The following GATA6 variants were observed in gnomAD, a reference collection of about 807,000 sequenced individuals.
GATA6 encodes transcription factor GATA-6.
A neutral mutation model predicts 48.1 loss-of-function variants in GATA6; 11 were observed. That is an observed-to-expected ratio of 0.23 (90% CI 0.14 to 0.38). The LOEUF (loss-of-function observed/expected upper bound fraction) is 0.38, where lower values mean the gene tolerates loss of function less well. Ranked by LOEUF, GATA6 falls within the 10% of genes least tolerant of loss-of-function variation. The pLI, the probability that GATA6 is intolerant of heterozygous loss-of-function variation, is 1.00. For missense variants in GATA6, 795 were observed against 850.3 expected, an observed-to-expected ratio of 0.93 and a Z score of 0.81; for synonymous variants, 419 against 396.1, an observed-to-expected ratio of 1.06 and a Z score of -0.69.
At chr18:22,176,606 A>T (rs916676466) in intron 2 of GATA6, 1 of 219,298 alleles carries the variant, frequency 4.6e-6, no homozygotes, top group Admixed American at 6.0e-5. Context: ...GATGGATTTC[A>T]GTCTTTAAAA....
intron 6 of GATA6, among the ~76,000 whole-genome samples, chr18:22,191,467 C>G (rs547449329): frequency 1.3e-5 from 2 of 149,600 alleles, no homozygotes; most frequent in South Asian, 4.2e-4. Context: ...TTAGATTGCT[C>G]TGAAAGGTTA....
chr18:22,181,727 G>A, intron 4 of GATA6, 149 bp downstream of exon 4: 1 of 792,666 alleles, frequency 1.3e-6, no homozygotes, highest in Non-Finnish European at 2.1e-6. Flanking sequence ...TATATTCAGT[G>A]TACATACTGA....
rs1168792572 is a variant in GATA6 at position 22,200,858 on chromosome 18, G to T, written c.*35G>T. 1 of 1,580,486 alleles carries T rather than the reference G, an allele frequency of 6.3e-7. No homozygotes were observed. Among genetic ancestry groups the T allele is most frequent in the Admixed American group, 1.8e-5 (1 of 56,004 alleles). ...GCCAGGAGGCAGGGAGGGCTCCGCC[G>T]CGGGCCTCACTCCACTCGTGTCTGC... On this transcript the variant is annotated 3_prime_UTR_variant, in exon 7 of 7. Coordinates refer to ENST00000269216, the MANE Select transcript of GATA6 (RefSeq NM_005257.6).
In GATA6 at chr18:22,172,174, C is replaced by T. The variant is rs1408429022; in HGVS notation, c.1030C>T (p.Pro344Ser). 9.1e-6 allele frequency: 14 copies of T among 1,533,264 alleles called. No homozygotes were observed. Among genetic ancestry groups the T allele is most frequent in the Non-Finnish European group, 8.7e-6 (10 of 1,145,582 alleles). The allele number at this position is 1,533,264 out of a possible 1,614,324, so 95.0% of individuals were successfully genotyped here. ...CCCCTACTCGCCCTACGTGGGGGCG[C>T]CACTGACGCCTGCCTGGCCCGCCGG... Reference protein sequence around the residue: ...PSPYSPYVGAPLTPAWPAGPF... With the variant: ...PSPYSPYVGASLTPAWPAGPF... Residue 344 changes from proline (P) to serine (S), a missense_variant, in exon 2 of 7, where the codon CCA becomes TCA. By Grantham distance (74) the Pro-to-Ser change is moderately conservative. Around this residue, in one of 5 missense-constraint regions of GATA6, gnomAD observed 591 missense variants for 570.0 expected, o/e 1.04. Transcript: ENST00000269216. This position sits in a 1 kb window ranked among gnomAD's most constrained non-coding sequence, Gnocchi z 5.2.
At chr18:22,182,720 T>C in intron 4 of GATA6, 37 bp from the exon 5 acceptor site, 8 of 1,426,682 alleles carry the variant, frequency 5.6e-6, no homozygotes, top group Non-Finnish European at 7.9e-6. Context: ...TTCTTCAATA[T>C]AATATTAAAT....
intron 2 of GATA6, among the ~76,000 whole-genome samples, chr18:22,174,206 G>A (rs974653796): frequency 1.2e-4 from 18 of 152,344 alleles, no homozygotes; most frequent in Non-Finnish European, 2.4e-4. Flanking sequence ...CAAGGGTGTT[G>A]TGAGTTGGGT....
At position 22,201,119 on chromosome 18, in the gene GATA6, T is replaced by C. The variant is rs1385477325; in HGVS notation, c.*296T>C. On this transcript the variant is annotated 3_prime_UTR_variant, in exon 7 of 7. Coordinates refer to ENST00000269216, the MANE Select transcript of GATA6 (RefSeq NM_005257.6). ...CTGGGCCTTGCCTGCTATGGAATAT[T>C]GAGAGAGATTTTTTAAAAAAGATTT... 1.9e-5 allele frequency: 8 copies of C among 424,652 alleles called. No individual in the cohort carries two copies. Among genetic ancestry groups the C allele is most frequent in the Non-Finnish European group, 3.0e-5 (7 of 235,898 alleles). The allele number at this position is 424,652 out of a possible 1,614,324, so 26.3% of individuals were successfully genotyped here.
chr18:22,183,807 A>G lies in GATA6; in HGVS notation c.1620+764A>G, dbSNP rs571757180. Reference sequence around the variant, plus strand: ...TTTACCTGGAATGCCCTTCTAAAAAATACTGGGCCTTCCCTCAGACGTCAG... The same window carrying G: ...TTTACCTGGAATGCCCTTCTAAAAAGTACTGGGCCTTCCCTCAGACGTCAG... On this transcript the variant is annotated intron_variant, in intron 6 of 6. Coordinates refer to ENST00000269216, the MANE Select transcript of GATA6 (RefSeq NM_005257.6). Among the ~76,000 whole-genome samples, 3 of 152,360 alleles carry G rather than the reference A, an allele frequency of 2.0e-5. No homozygotes were observed. The East Asian group carries it at 5.8e-4, about 29-fold the overall frequency.
chr18:22,197,991 T>A (rs779663879), intron 6 of GATA6, among the ~76,000 whole-genome samples: 8 of 152,120 alleles, frequency 5.3e-5, no homozygotes, highest in Non-Finnish European at 8.8e-5. Flanking sequence ...CCTGGGGCAG[T>A]TGACTATCTT....
chr18:22,172,139 A>G lies in GATA6; in HGVS notation c.995A>G (p.His332Arg), dbSNP rs1223505085. Residue 332 changes from histidine to arginine, a missense_variant, in exon 2 of 7, where the codon CAC becomes CGC. Physicochemically the swap from His to Arg is conservative, Grantham distance 29. Around this residue, in one of 5 missense-constraint regions of GATA6, gnomAD observed 591 missense variants for 570.0 expected, o/e 1.04. Transcript: ENST00000269216. This position sits in a 1 kb window ranked among gnomAD's most constrained non-coding sequence, Gnocchi z 5.2. ...TYHHHHHHHH[H>R]HPSPYSPYVG... ...CACCACCACCACCACCACCACCACC[A>G]CCATCCGAGCCCCTACTCGCCCTAC... The G allele has an allele frequency of 1.2e-5, 16 of 1,388,850 alleles. No individual in the cohort carries two copies. Among genetic ancestry groups the G allele is most frequent in the Non-Finnish European group, 1.5e-5 (16 of 1,054,984 alleles). The allele number at this position is 1,388,850 out of a possible 1,614,324, so 86.0% of individuals were successfully genotyped here. A position where few individuals can be genotyped will look rare whatever the true frequency, so the allele number is the denominator to read the frequency against.
chr18:22,188,565 G>A (rs2033291608), intron 6 of GATA6, among the ~76,000 whole-genome samples: 1 of 152,136 alleles, frequency 6.6e-6, no homozygotes, highest in African/African-American at 2.4e-5. Flanking sequence ...AGAACGGGTG[G>A]AAAGTAGATA....
rs1283704140 is a variant in GATA6 at position 22,200,953 on chromosome 18, G to T, written c.*130G>T. The T allele has an allele frequency of 9.4e-7, 1 of 1,059,164 alleles. No individual in the cohort carries two copies. Among genetic ancestry groups the T allele is most frequent in the East Asian group, 2.6e-5 (1 of 38,188 alleles). 65.6% of individuals were successfully genotyped at this position (1,059,164 alleles called of 1,614,324 possible). On this transcript the variant is annotated 3_prime_UTR_variant, in exon 7 of 7. Transcript: ENST00000269216. The stretch of plus-strand genomic sequence containing the variant: ...TGATTCTCGTGCCTTTATTTTGAAA[G>T]AGATGTTTTTCCCAAGAGGCTTGCT...
Position 22,201,424 on chromosome 18 carries a change from A to AG in GATA6, c.*604dup, listed in dbSNP as rs2143348190. ...CTGAAGTCAGTCGGAATTTGTAAAC[A>AG]GGGTAGCAAACAAGATATTTTTCTT... On this transcript the variant is annotated 3_prime_UTR_variant, in exon 7 of 7. Transcript: ENST00000269216. 1 of 153,712 alleles carries AG rather than the reference A, an allele frequency of 6.5e-6. No homozygotes were observed. The highest frequency in any genetic ancestry group is 1.5e-5 in the Non-Finnish European group (1 of 68,698). The allele number at this position is 153,712 out of a possible 1,614,324, so 9.5% of individuals were successfully genotyped here.
At chr18:22,175,223 G>C (rs770279687) in intron 2 of GATA6, among the ~76,000 whole-genome samples, 3 of 152,140 alleles carry the variant, frequency 2.0e-5, no homozygotes, top group Non-Finnish European at 2.9e-5. Context: ...GAATGAGAGA[G>C]ATTTTATTCA....
At position 22,170,400 on chromosome 18, in the gene GATA6, G is replaced by T. The variant is rs2033017077; in HGVS notation, c.-37-708G>T. On this transcript the variant is annotated intron_variant, in intron 1 of 6. Transcript: ENST00000269216. The surrounding 1 kb of genome is among the most constrained non-coding windows in gnomAD (Gnocchi z 6.7). ...GACGCCGGTGGGGCTGGCGATTCCCGCCCCACAAGCTCTCCGCATTGCCTC... is the reference window on the plus strand; with the variant it reads ...GACGCCGGTGGGGCTGGCGATTCCCTCCCCACAAGCTCTCCGCATTGCCTC... Among the ~76,000 whole-genome samples the T allele has an allele frequency of 6.6e-6, 1 of 152,182 alleles. No individual in the cohort carries two copies. Among genetic ancestry groups the T allele is most frequent in the Non-Finnish European group, 1.5e-5 (1 of 68,024 alleles).
chr18:22,185,553 C>T lies in GATA6; in HGVS notation c.1620+2510C>T, dbSNP rs2033252899. 6.6e-6 allele frequency among the ~76,000 whole-genome samples: 1 copy of T among 152,228 alleles called. No homozygotes were observed. Among genetic ancestry groups the T allele is most frequent in the Admixed American group, 6.5e-5 (1 of 15,284 alleles). Reference sequence around the variant, plus strand: ...GGTTGCTGGCCTGCCTACCAACCTCCCCAGTTCCCCAGGGACTGACTCTTG... The same window carrying T: ...GGTTGCTGGCCTGCCTACCAACCTCTCCAGTTCCCCAGGGACTGACTCTTG... On this transcript the variant is annotated intron_variant, in intron 6 of 6. Coordinates refer to ENST00000269216, the MANE Select transcript of GATA6 (RefSeq NM_005257.6). This position sits in a 1 kb window ranked among gnomAD's most constrained non-coding sequence, Gnocchi z 4.3.
chr18:22,191,072 T>TGA (rs1262733735), intron 6 of GATA6, among the ~76,000 whole-genome samples: 1 of 133,438 alleles, frequency 7.5e-6, no homozygotes, highest in Non-Finnish European at 1.6e-5. Flanking sequence ...TGTGTGTGTG[T>TGA]GACAGGGAGG....
intron 3 of GATA6, among the ~76,000 whole-genome samples, chr18:22,178,834 C>T (rs2033158893): frequency 6.6e-6 from 1 of 152,140 alleles, no homozygotes; most frequent in Non-Finnish European, 1.5e-5. Flanking sequence ...ACAGAAGTTC[C>T]TTGTTTTCAT....
rs576673668 is a variant in GATA6 at position 22,201,305 on chromosome 18, CTT to C, written c.*483_*484del. 41 of 170,888 alleles carry C rather than the reference CTT, an allele frequency of 2.4e-4. No individual in the cohort carries two copies. The East Asian group carries it at 5.7e-3, about 24-fold the overall frequency. The allele number at this position is 170,888 out of a possible 1,614,324, so 10.6% of individuals were successfully genotyped here. ...GAGGCTGAGTCGGTTCATGAGGTCT[CTT>C]ATCAAAAATATTACTCAGTTTGCAA... On this transcript the variant is annotated 3_prime_UTR_variant, in exon 7 of 7. Coordinates refer to ENST00000269216, the MANE Select transcript of GATA6 (RefSeq NM_005257.6).
Sources: allele counts gnomAD v4.1 joint callset (sites outside exome capture counted in the v4.1 genomes callset), GRCh38; gene constraint gnomAD v4.1.1; regional missense constraint gnomAD v4.1.1; non-coding constraint Gnocchi (gnomAD v3.1); transcripts MANE v1.5; gene names NCBI Gene and HGNC (gene_info 2026-07-23, HGNC 2026-07-21).